DGKE: variants seen among roughly 807,000 people sequenced by gnomAD.
DGKE encodes the protein DAG kinase epsilon.
A neutral mutation model predicts 70.0 loss-of-function variants in DGKE; 53 were observed. The observed-to-expected ratio is 0.76, with a 90% CI of 0.61 to 0.95. DGKE has a LOEUF of 0.95. Among genes scored for constraint, DGKE ranks in the 40% least tolerant of loss-of-function variants. The pLI, the probability that DGKE is intolerant of heterozygous loss-of-function variation, is 0.00. For missense variants in DGKE, 655 were observed against 706.9 expected (o/e 0.93, Z 0.83); for synonymous variants, 291 against 257.0 (o/e 1.13, Z -1.27).
rs1388796941 is a variant in DGKE, at chr17:56,864,877, T to C, written c.*2086T>C. The C allele has an allele frequency of 6.6e-6, 1 of 152,212 alleles. No individual in the cohort carries two copies. Among genetic ancestry groups the C allele is most frequent in the Non-Finnish European group, 1.5e-5 (1 of 68,024 alleles). The allele number at this position is 152,212 out of a possible 1,614,324, so 9.4% of individuals were successfully genotyped here. A position where few individuals can be genotyped will look rare whatever the true frequency, so the allele number is the denominator to read the frequency against. ...TTTAATACCAACCATAATATTACAC[T>C]GTATTTAGAACAGGCTTATGTAAAA... On this transcript the variant is annotated 3_prime_UTR_variant, in exon 12 of 12. Coordinates refer to ENST00000284061, the MANE Select transcript of DGKE (RefSeq NM_003647.3).
chr17:56,856,991 G>A (rs559284831), intron 8 of DGKE, among the ~76,000 whole-genome samples: 11 of 152,130 alleles, frequency 7.2e-5, no homozygotes, highest in Middle Eastern at 3.4e-3. Context: ...CCAGCCACTC[G>A]GGAGGCTGAG....
chr17:56,858,686 A>G, intron 9 of DGKE, 21 bp downstream of exon 9: 1 of 1,550,058 alleles, frequency 6.5e-7, no homozygotes. Context: ...AACACTTTTT[A>G]TTTTTTAAAG....
chr17:56,862,953 C>T lies in DGKE; in HGVS notation c.*162C>T, dbSNP rs1012528909. The T allele has an allele frequency of 2.9e-5, 14 of 487,970 alleles. No homozygotes were observed. Among genetic ancestry groups the T allele is most frequent in the Non-Finnish European group, 4.7e-5 (14 of 301,046 alleles). 30.2% of individuals were successfully genotyped at this position (487,970 alleles called of 1,614,324 possible). A position where few individuals can be genotyped will look rare whatever the true frequency, so the allele number is the denominator to read the frequency against. ...AAATAGCATCCCCAAACCAGCCAGC[C>T]TTCAGTTATTTACAAATGTTTGTTC... On this transcript the variant is annotated 3_prime_UTR_variant, in exon 12 of 12. Transcript: ENST00000284061.
At chr17:56,857,842 A>G (rs1156325972) in intron 8 of DGKE, among the ~76,000 whole-genome samples, 2 of 152,136 alleles carry the variant, frequency 1.3e-5, no homozygotes, top group South Asian at 4.1e-4. Flanking sequence ...TGAGAGGCCA[A>G]GGTGGGTAGA....
chr17:56,862,061 T>C, intron 10 of DGKE, 79 bp from the exon 11 acceptor site: 1 of 1,559,734 alleles, frequency 6.4e-7, no homozygotes, highest in South Asian at 1.1e-5. Context: ...ATGGTCCAAC[T>C]GTGTTAAAAA....
chr17:56,862,141 C>A lies in DGKE; in HGVS notation c.1414C>A (p.His472Asn), dbSNP rs201554828. ...CATATTTTCTTTTTCCAATTTTAGGCATGACGATGGTCTGCTGGAAGTCGT... is the reference window on the plus strand; with the variant it reads ...CATATTTTCTTTTTCCAATTTTAGGAATGACGATGGTCTGCTGGAAGTCGT... ...MGDETYPLARHDDGLLEVVGV... is the reference protein window; with the variant it reads ...MGDETYPLARNDDGLLEVVGV... The change falls in exon 11 of 12, where the codon CAT (histidine) becomes AAT (asparagine). Residue 472 changes from histidine to asparagine, a missense_variant and splice_region_variant. By Grantham distance (68) the His-to-Asn change is moderately conservative (BLOSUM62 1). Transcript: ENST00000284061. 15 of 1,613,766 alleles carry A rather than the reference C, an allele frequency of 9.3e-6. No individual in the cohort carries two copies. In the East Asian group the frequency reaches 2.9e-4, roughly 31 times the overall value.
At chr17:56,852,008 C>A (rs923798272) in intron 7 of DGKE, among the ~76,000 whole-genome samples, 1 of 152,034 alleles carries the variant, frequency 6.6e-6, no homozygotes, top group South Asian at 2.1e-4. Context: ...TTCAAGGCTG[C>A]GGTGAGCTAT....
chr17:56,860,790 C>T (rs1382653014), intron 9 of DGKE, among the ~76,000 whole-genome samples: 1 of 151,712 alleles, frequency 6.6e-6, no homozygotes, highest in East Asian at 2.0e-4. Context: ...GACCCAGAGG[C>T]ATACATGGCA....
chr17:56,854,876 G>A (rs1452981436), intron 7 of DGKE, among the ~76,000 whole-genome samples: 4 of 152,182 alleles, frequency 2.6e-5, no homozygotes, highest in African/African-American at 9.7e-5. Context: ...AATAAGATAT[G>A]TCATTAAAAA....
rs1908472143 is a variant in DGKE, at chr17:56,864,944, A to C, written c.*2153A>C. The C allele has an allele frequency of 6.6e-6, 1 of 152,156 alleles. No homozygotes were observed. Among genetic ancestry groups the C allele is most frequent in the African/African-American group, 2.4e-5 (1 of 41,436 alleles). 9.4% of individuals were successfully genotyped at this position (152,156 alleles called of 1,614,324 possible). ...AATAAGTTGATTTTTTGGTTATTGTAATCTAGTAAGGTTTTTGCATCACTA... is the reference window on the plus strand; with the variant it reads ...AATAAGTTGATTTTTTGGTTATTGTCATCTAGTAAGGTTTTTGCATCACTA... On this transcript the variant is annotated 3_prime_UTR_variant, in exon 12 of 12. Coordinates refer to ENST00000284061, the MANE Select transcript of DGKE (RefSeq NM_003647.3).
chr17:56,840,730 A>G (rs1264556870), intron 2 of DGKE, among the ~76,000 whole-genome samples: 4 of 152,216 alleles, frequency 2.6e-5, no homozygotes, highest in Admixed American at 6.5e-5. Context: ...AATGGAATCT[A>G]TAGCCCCAGA....
chr17:56,867,795 T>A lies in DGKE; in HGVS notation c.*5004T>A, dbSNP rs1908589701. 1 of 151,534 alleles carries A rather than the reference T, an allele frequency of 6.6e-6. No homozygotes were observed. The highest frequency in any genetic ancestry group is 2.4e-5 in the African/African-American group (1 of 41,050). The allele number at this position is 151,534 out of a possible 1,614,324, so 9.4% of individuals were successfully genotyped here. A position where few individuals can be genotyped will look rare whatever the true frequency, so the allele number is the denominator to read the frequency against. ...CTGTAGTCCCAGCTACTCGGGAGGC[T>A]GAGGCAGGAGAATGGCGTGAACCCG... On this transcript the variant is annotated 3_prime_UTR_variant, in exon 12 of 12. Coordinates refer to ENST00000284061, the MANE Select transcript of DGKE (RefSeq NM_003647.3).
intron 9 of DGKE, among the ~76,000 whole-genome samples, chr17:56,860,103 A>G (rs1008667060): frequency 6.6e-6 from 1 of 152,276 alleles, no homozygotes; most frequent in South Asian, 2.1e-4. Flanking sequence ...TTTTATTTAT[A>G]TAAAAATACA....
chr17:56,849,172 G>A lies in DGKE; in HGVS notation c.1047-9G>A. The A allele has an allele frequency of 1.2e-6, 2 of 1,607,528 alleles. No homozygotes were observed. Among genetic ancestry groups the A allele is most frequent in the Non-Finnish European group, 1.7e-6 (2 of 1,177,486 alleles). On this transcript the variant is annotated splice_polypyrimidine_tract_variant and intron_variant, in intron 6 of 11. Coordinates refer to ENST00000284061, the MANE Select transcript of DGKE (RefSeq NM_003647.3). Reference sequence around the variant, plus strand: ...AAACGTGCTGTTTTTTTTAACTTCTGTTTTTTAGATGGAAAGTTCAAGTAA... The same window carrying A: ...AAACGTGCTGTTTTTTTTAACTTCTATTTTTTAGATGGAAAGTTCAAGTAA...
Position 56,847,338 on chromosome 17 carries a change from C to CTTT in DGKE, c.745-572_745-570dup, listed in dbSNP as rs10641776. ...ATGTGGTATAGTAGATAAACTATAACTTTTTTTTTTTTTTGAGACAGAGTC... is the reference window on the plus strand; with the variant it reads ...ATGTGGTATAGTAGATAAACTATAACTTTTTTTTTTTTTTTTTGAGACAGAGTC... On this transcript the variant is annotated intron_variant, in intron 4 of 11. Transcript: ENST00000284061. 306 of 142,774 alleles carry CTTT rather than the reference C, an allele frequency of 2.1e-3. 27 individuals are homozygous for CTTT. Among genetic ancestry groups the CTTT allele is most frequent in the Admixed American group, 2.5e-3 (36 of 14,170 alleles). The allele number at this position is 142,774 out of a possible 1,614,324, so 8.8% of individuals were successfully genotyped here. A position where few individuals can be genotyped will look rare whatever the true frequency, so the allele number is the denominator to read the frequency against.
rs1598058044 is a variant in DGKE, at chr17:56,869,262, T to C, written c.*6471T>C. ...GAAGTTTAGAGTATATGAAATCTAA[T>C]TTTTAAGTATTGGTTGGCAACTAAT... On this transcript the variant is annotated 3_prime_UTR_variant, in exon 12 of 12. Transcript: ENST00000284061. 1 of 152,086 alleles carries C rather than the reference T, an allele frequency of 6.6e-6. No homozygotes were observed. The highest frequency in any genetic ancestry group is 1.9e-4 in the East Asian group (1 of 5,200). The allele number at this position is 152,086 out of a possible 1,614,324, so 9.4% of individuals were successfully genotyped here.
At chr17:56,851,736 G>A (rs770932175) in intron 7 of DGKE, among the ~76,000 whole-genome samples, 1 of 152,222 alleles carries the variant, frequency 6.6e-6, no homozygotes, top group Non-Finnish European at 1.5e-5. Context: ...CCAGGAAGCT[G>A]AAGGAAGTCA....
chr17:56,843,973 G>T, intron 2 of DGKE, 46 bp from the exon 3 acceptor site: 2 of 1,493,742 alleles, frequency 1.3e-6, no homozygotes, highest in Non-Finnish European at 1.8e-6. Context: ...TTATCATTGA[G>T]ATTATGGTTT....
In DGKE at chr17:56,863,947, T is replaced by G. The variant is rs1022590996; in HGVS notation, c.*1156T>G. On this transcript the variant is annotated 3_prime_UTR_variant, in exon 12 of 12. Transcript: ENST00000284061. ...AGAAATTTAGTCTATTAATTAAAATTCTAATTTAATTCTCCTGACAGAAAT... is the reference window on the plus strand; with the variant it reads ...AGAAATTTAGTCTATTAATTAAAATGCTAATTTAATTCTCCTGACAGAAAT... The G allele has an allele frequency of 3.9e-5, 6 of 152,234 alleles. No homozygotes were observed. Among genetic ancestry groups the G allele is most frequent in the Non-Finnish European group, 7.3e-5 (5 of 68,048 alleles). 9.4% of individuals were successfully genotyped at this position (152,234 alleles called of 1,614,324 possible).
Sources: gnomAD v4.1 joint callset for allele counts (sites outside exome capture counted in the v4.1 genomes callset) on GRCh38, gnomAD v4.1.1 for gene constraint, MANE v1.5 for transcripts, NCBI Gene and HGNC (gene_info 2026-07-23, HGNC 2026-07-21) for gene names.